SCD5: variants seen among roughly 807,000 people sequenced by gnomAD.
SCD5 encodes the protein acyl-CoA-desaturase 4.
A neutral mutation model predicts 30.4 loss-of-function variants in SCD5; 20 were observed. That is an observed-to-expected ratio of 0.66 (90% CI 0.46 to 0.96). The LOEUF (loss-of-function observed/expected upper bound fraction) is 0.96. Ranked by LOEUF, SCD5 falls within the 40% of genes least tolerant of loss-of-function variation. The pLI is 0.00. For synonymous variants in SCD5, 173 were observed against 176.4 expected, an observed-to-expected ratio of 0.98 and a Z score of 0.16; for missense variants, 381 against 443.3, an observed-to-expected ratio of 0.86 and a Z score of 1.26.
chr4:82,743,130 C>T (rs558452077), intron 1 of SCD5, among the ~76,000 whole-genome samples: 8 of 152,188 alleles, frequency 5.3e-5, no homozygotes, highest in African/African-American at 1.4e-4. Context: ...TTCAAAGGTT[C>T]GATTATCAGC....
chr4:82,697,357 C>T (rs1001128901), intron 2 of SCD5, among the ~76,000 whole-genome samples: 2 of 152,100 alleles, frequency 1.3e-5, no homozygotes, highest in African/African-American at 4.8e-5. Flanking sequence ...AAAATCTAAT[C>T]GCCTTAAAGT....
chr4:82,697,893 G>T (rs953043251), intron 2 of SCD5, among the ~76,000 whole-genome samples: 1 of 152,210 alleles, frequency 6.6e-6, no homozygotes, highest in Non-Finnish European at 1.5e-5. Context: ...ATAAATCACC[G>T]TCTTCACTGC....
At chr4:82,698,346 C>T (rs1290100949) in intron 2 of SCD5, among the ~76,000 whole-genome samples, 4 of 152,214 alleles carry the variant, frequency 2.6e-5, no homozygotes, top group African/African-American at 9.6e-5. Context: ...CTGCTAACAG[C>T]ATGAGCTGTA....
At chr4:82,675,739 T>C (rs1728422658) in intron 3 of SCD5, among the ~76,000 whole-genome samples, 1 of 152,214 alleles carries the variant, frequency 6.6e-6, no homozygotes, top group Non-Finnish European at 1.5e-5. Flanking sequence ...TATCTTCATT[T>C]TGTCATCTGA....
At chr4:82,738,259 C>T (rs190142677) in intron 1 of SCD5, among the ~76,000 whole-genome samples, 1 of 152,124 alleles carries the variant, frequency 6.6e-6, no homozygotes, top group Non-Finnish European at 1.5e-5. Flanking sequence ...CCTGTCGCTA[C>T]TAAAAATACA....
At chr4:82,664,225 G>A (rs1305207111) in intron 3 of SCD5, among the ~76,000 whole-genome samples, 1 of 152,142 alleles carries the variant, frequency 6.6e-6, no homozygotes, top group Non-Finnish European at 1.5e-5. Context: ...GAAGTCTGTG[G>A]TGCACTAAGG....
At position 82,769,422 on chromosome 4, in the gene SCD5, T is replaced by C. The variant is rs946978061; in HGVS notation, c.232+28884A>G. On this transcript the variant is annotated intron_variant, in intron 1 of 4. Coordinates refer to ENST00000319540, the MANE Select transcript of SCD5 (RefSeq NM_001037582.3). The stretch of plus-strand genomic sequence containing the variant: ...AGTAGGTAGTGTTTTCCAGAGTCCA[T>C]AATGTTTCACCAATTTACAGAGGAT... 2.6e-5 allele frequency among the ~76,000 whole-genome samples: 4 copies of C among 152,314 alleles called. No homozygotes were observed. In the East Asian group the frequency reaches 7.7e-4, roughly 29 times the overall value.
rs1727359417 is a variant in SCD5, at chr4:82,633,278, T to C, written c.803-1761A>G. On this transcript the variant is annotated intron_variant, in intron 4 of 4. Coordinates refer to ENST00000319540, the MANE Select transcript of SCD5 (RefSeq NM_001037582.3). ...GCTTACTTCACTTAGCATAATGTCC[T>C]CCAGGTTCATTCAAGTTGTGGCAAA... Among the ~76,000 whole-genome samples, 5 of 152,244 alleles carry C rather than the reference T, an allele frequency of 3.3e-5. No individual in the cohort carries two copies. The South Asian group carries it at 1.0e-3, about 32-fold the overall frequency.
chr4:82,709,709 T>G (rs895631042), intron 1 of SCD5, among the ~76,000 whole-genome samples: 2 of 152,222 alleles, frequency 1.3e-5, no homozygotes, highest in Non-Finnish European at 2.9e-5. Context: ...CACTTCTAGA[T>G]GTTTACCCAA....
At chr4:82,684,867 C>G (rs1014662470) in intron 2 of SCD5, among the ~76,000 whole-genome samples, 2 of 152,214 alleles carry the variant, frequency 1.3e-5, no homozygotes, top group Non-Finnish European at 2.9e-5. Context: ...ACAGAGATGA[C>G]AAATGCCCAT....
At chr4:82,707,894 G>A (rs138149889) in intron 1 of SCD5, among the ~76,000 whole-genome samples, 82 of 152,292 alleles carry the variant, frequency 5.4e-4, no homozygotes, top group African/African-American at 1.9e-3. Flanking sequence ...CACAAAAACT[G>A]TAAGAAAATA....
intron 1 of SCD5, among the ~76,000 whole-genome samples, chr4:82,760,048 C>T (rs942528872): frequency 5.3e-5 from 8 of 152,132 alleles, no homozygotes; most frequent in African/African-American, 1.9e-4. Context: ...ACCCCTGAAG[C>T]AATTTCCCAT....
Position 82,738,143 on chromosome 4 carries a change from G to A in SCD5, c.233-32730C>T, listed in dbSNP as rs993575681. On this transcript the variant is annotated intron_variant, in intron 1 of 4. Coordinates refer to ENST00000319540, the MANE Select transcript of SCD5 (RefSeq NM_001037582.3). ...TACCTGAAAAAAAGTTATCACGGCC[G>A]GGCCCAGTGGCTCATGCCTGTAGTC... Among the ~76,000 whole-genome samples the A allele has an allele frequency of 8.5e-5, 13 of 152,230 alleles. No individual in the cohort carries two copies. The South Asian group carries it at 1.0e-3, about 12-fold the overall frequency.
intron 3 of SCD5, among the ~76,000 whole-genome samples, chr4:82,638,846 C>T (rs1043572371): frequency 1.3e-5 from 2 of 152,206 alleles, no homozygotes; most frequent in Non-Finnish European, 2.9e-5. Context: ...TACCATATGC[C>T]AGGGCAGTTC....
intron 1 of SCD5, among the ~76,000 whole-genome samples, chr4:82,711,188 C>T (rs1054322351): frequency 6.6e-6 from 1 of 152,094 alleles, no homozygotes; most frequent in Non-Finnish European, 1.5e-5. Flanking sequence ...AAAGATCCCC[C>T]CCCCGATAAC....
Position 82,680,931 on chromosome 4 carries a change from C to T in SCD5, c.364-19G>A. ...TGTCATTCTGCAGAGAGAATGAGAGCCTGAGTGAAGAGAGGAACCGCACCG... is the reference window on the plus strand; with the variant it reads ...TGTCATTCTGCAGAGAGAATGAGAGTCTGAGTGAAGAGAGGAACCGCACCG... On this transcript the variant is annotated intron_variant, in intron 2 of 4. Transcript: ENST00000319540. 1 of 1,605,956 alleles carries T rather than the reference C, an allele frequency of 6.2e-7. No individual in the cohort carries two copies. Among genetic ancestry groups the T allele is most frequent in the South Asian group, 1.1e-5 (1 of 90,978 alleles).
intron 1 of SCD5, among the ~76,000 whole-genome samples, chr4:82,779,053 C>T (rs1006669310): frequency 4.0e-5 from 6 of 151,880 alleles, no homozygotes; most frequent in African/African-American, 1.2e-4. Flanking sequence ...TTAGTAGAGA[C>T]GGGGTTTCTC....
intron 1 of SCD5, among the ~76,000 whole-genome samples, chr4:82,723,077 CAAA>C (rs59796077): frequency 4.4e-5 from 4 of 89,966 alleles, no homozygotes; most frequent in African/African-American, 7.5e-5. Flanking sequence ...AACTCTGTCT[CAAA>C]AAAAAAAAAA....
chr4:82,792,264 G>GA (rs35338795), intron 1 of SCD5, among the ~76,000 whole-genome samples: 38 of 144,688 alleles, frequency 2.6e-4, no homozygotes, highest in African/African-American at 3.3e-4. Context: ...ACTCCATCTA[G>GA]AAAAAAAAAA....
Sources: gnomAD v4.1 joint callset for allele counts (sites outside exome capture counted in the v4.1 genomes callset) on GRCh38, gnomAD v4.1.1 for gene constraint, MANE v1.5 for transcripts, NCBI Gene and HGNC (gene_info 2026-07-23, HGNC 2026-07-21) for gene names.